Variants in RAD54L2 observed in about 807,000 individuals in gnomAD.
The protein encoded by RAD54L2 is RAD54 like 2.
A neutral mutation model predicts 138.4 loss-of-function variants in RAD54L2; 27 were observed. That is an observed-to-expected ratio of 0.20 (90% CI 0.14 to 0.27). RAD54L2 has a LOEUF of 0.27. RAD54L2 is among the 10% of genes least tolerant of loss of function. The probability of loss-of-function intolerance (pLI) is 1.00; values close to 1 mark genes in which losing one functional copy is unlikely to be tolerated. For missense variants in RAD54L2, 1,396 were observed against 1,890.2 expected, an observed-to-expected ratio of 0.74 and a Z score of 4.85; for synonymous variants, 644 against 723.2, an observed-to-expected ratio of 0.89 and a Z score of 1.76.
chr3:51,594,368 C>T (rs553082310), intron 3 of RAD54L2, among the ~76,000 whole-genome samples: 7 of 152,172 alleles, frequency 4.6e-5, no homozygotes, highest in African/African-American at 7.2e-5. Context: ...CCACTGTGCC[C>T]GGCCCATACT....
At chr3:51,641,686 C>T in intron 14 of RAD54L2, 63 bp from the exon 15 acceptor site, 1 of 1,089,998 alleles carries the variant, frequency 9.2e-7, no homozygotes, top group Non-Finnish European at 1.4e-6. Context: ...AGAGTATGGA[C>T]CTATTGGGAA....
In RAD54L2 at chr3:51,643,945, C is replaced by T. The variant is rs776667486; in HGVS notation, c.2421C>T (p.Leu807=). The T allele has an allele frequency of 8.1e-6, 13 of 1,604,866 alleles. No individual in the cohort carries two copies. The highest frequency in any genetic ancestry group is 1.7e-4 in the Middle Eastern group (1 of 6,056). ...LINQFNDPSN[L]TTWLFLLSTR... ...ATCAGTTCAATGATCCCAGCAACCTCACCACCTGGCTGTTCCTTCTCTCTA... is the reference window on the plus strand; with the variant it reads ...ATCAGTTCAATGATCCCAGCAACCTTACCACCTGGCTGTTCCTTCTCTCTA... Residue 807 remains leucine, a synonymous_variant, in exon 16 of 23, where the codon CTC becomes CTT. Coordinates refer to ENST00000684192, the MANE Select transcript of RAD54L2 (RefSeq NM_015106.4).
Position 51,545,420 on chromosome 3 carries a change from G to T in RAD54L2, c.-55+3770G>T, listed in dbSNP as rs568578546. Among the ~76,000 whole-genome samples the T allele has an allele frequency of 5.3e-5, 8 of 152,116 alleles. No individual in the cohort carries two copies. In the South Asian group the frequency reaches 1.7e-3, roughly 32 times the overall value. Reference sequence around the variant, plus strand: ...TTGGTCAGTCTGATCTTGAACTCGTGACCTTGTGATCCACCTGCCTCTGCT... The same window carrying T: ...TTGGTCAGTCTGATCTTGAACTCGTTACCTTGTGATCCACCTGCCTCTGCT... On this transcript the variant is annotated intron_variant, in intron 2 of 22. Coordinates refer to ENST00000684192, the MANE Select transcript of RAD54L2 (RefSeq NM_015106.4).
chr3:51,545,123 C>T (rs1290765957), intron 2 of RAD54L2, among the ~76,000 whole-genome samples: 1 of 152,138 alleles, frequency 6.6e-6, no homozygotes, highest in Non-Finnish European at 1.5e-5. Context: ...GCTGTATGTT[C>T]TGAGTTATTT....
intron 2 of RAD54L2, among the ~76,000 whole-genome samples, chr3:51,562,477 G>A (rs1034579040): frequency 3.3e-5 from 5 of 151,980 alleles, no homozygotes; most frequent in Non-Finnish European, 5.9e-5. Context: ...TGATCTGCCC[G>A]CCTGGGCCTC....
At chr3:51,644,054 G>A (rs1701208695) in intron 16 of RAD54L2, 80 bp downstream of exon 16, 1 of 1,142,236 alleles carries the variant, frequency 8.8e-7, no homozygotes, top group African/African-American at 1.6e-5. Flanking sequence ...AAAACTCCAA[G>A]TTCCCTCAGA....
At chr3:51,609,284 T>C (rs1467074790) in intron 3 of RAD54L2, among the ~76,000 whole-genome samples, 2 of 152,214 alleles carry the variant, frequency 1.3e-5, no homozygotes, top group Non-Finnish European at 2.9e-5. Flanking sequence ...ACGAGATAGG[T>C]CAGGAGGCTC....
chr3:51,591,377 G>A lies in RAD54L2; in HGVS notation c.139+818G>A, dbSNP rs1011056838. On this transcript the variant is annotated intron_variant, in intron 3 of 22. Coordinates refer to ENST00000684192, the MANE Select transcript of RAD54L2 (RefSeq NM_015106.4). ...AACAGACCCCCTAGTGGGACTGAAC[G>A]TTGCATTAGATCATCTAATTACTTG... Among the ~76,000 whole-genome samples the A allele has an allele frequency of 2.0e-5, 3 of 152,198 alleles. No individual in the cohort carries two copies. In the South Asian group the frequency reaches 6.2e-4, roughly 32 times the overall value.
chr3:51,573,126 A>G (rs1699378797), intron 2 of RAD54L2, among the ~76,000 whole-genome samples: 2 of 152,176 alleles, frequency 1.3e-5, no homozygotes, highest in South Asian at 4.1e-4. Context: ...AAGATTCTTC[A>G]AAACTGGGCC....
intron 3 of RAD54L2, among the ~76,000 whole-genome samples, chr3:51,625,171 C>CA (rs1342785390): frequency 1.3e-5 from 2 of 152,214 alleles, no homozygotes; most frequent in Non-Finnish European, 2.9e-5. Flanking sequence ...GTAATCCCAG[C>CA]ACTTTGGGAG....
intron 7 of RAD54L2, among the ~76,000 whole-genome samples, chr3:51,633,255 T>C (rs964638637): frequency 1.3e-5 from 2 of 152,106 alleles, no homozygotes; most frequent in Admixed American, 6.6e-5. Flanking sequence ...TCCTATGGAA[T>C]GGGCTGCCTT....
At chr3:51,584,163 T>A (rs1019974699) in intron 2 of RAD54L2, among the ~76,000 whole-genome samples, 2 of 152,216 alleles carry the variant, frequency 1.3e-5, no homozygotes, top group Non-Finnish European at 2.9e-5. Context: ...TGACTGATTC[T>A]GTAAACATGT....
chr3:51,652,726 A>G (rs761972775), intron 19 of RAD54L2, among the ~76,000 whole-genome samples: 46 of 152,230 alleles, frequency 3.0e-4, no homozygotes, highest in Admixed American at 4.6e-4. Flanking sequence ...GGCTAGCCAT[A>G]TGTAGAAAGC....
intron 3 of RAD54L2, among the ~76,000 whole-genome samples, chr3:51,618,318 C>T (rs1700494449): frequency 6.6e-6 from 1 of 151,940 alleles, no homozygotes; most frequent in East Asian, 1.9e-4. Flanking sequence ...CTGTGGGTGT[C>T]TTTTGAGGAG....
chr3:51,594,094 G>A (rs1161949415), intron 3 of RAD54L2, among the ~76,000 whole-genome samples: 2 of 82,510 alleles, frequency 2.4e-5, no homozygotes, highest in African/African-American at 4.7e-5. Context: ...TTTTTGAGAT[G>A]GAGTCTTGCT....
chr3:51,593,152 T>G (rs1470418793), intron 3 of RAD54L2, among the ~76,000 whole-genome samples: 1 of 152,002 alleles, frequency 6.6e-6, no homozygotes, highest in Non-Finnish European at 1.5e-5. Flanking sequence ...GTCAGGATTG[T>G]TGGGGGTGGG....
At chr3:51,581,317 C>T (rs1266281975) in intron 2 of RAD54L2, among the ~76,000 whole-genome samples, 1 of 152,092 alleles carries the variant, frequency 6.6e-6, no homozygotes, top group Non-Finnish European at 1.5e-5. Context: ...AAGCTGGTCT[C>T]GAACTCCTGG....
intron 3 of RAD54L2, among the ~76,000 whole-genome samples, chr3:51,614,037 A>T (rs1314624345): frequency 6.6e-6 from 1 of 152,186 alleles, no homozygotes; most frequent in Non-Finnish European, 1.5e-5. Flanking sequence ...CCCAAATGTT[A>T]GTAGTGCTAA....
At chr3:51,644,564 A>G (rs1701223555) in intron 16 of RAD54L2, among the ~76,000 whole-genome samples, 1 of 152,238 alleles carries the variant, frequency 6.6e-6, no homozygotes, top group South Asian at 2.1e-4. Flanking sequence ...GTGCTTTAAA[A>G]AGTAGAAAGT....
Sources: gnomAD v4.1 joint callset for allele counts (sites outside exome capture counted in the v4.1 genomes callset) on GRCh38, gnomAD v4.1.1 for gene constraint, MANE v1.5 for transcripts, NCBI Gene and HGNC (gene_info 2026-07-23, HGNC 2026-07-21) for gene names.